The following ESR1 variants were observed in gnomAD, a reference collection of about 807,000 sequenced individuals.
ESR1 encodes the protein estrogen receptor 1.
Under a neutral mutation model 52.7 loss-of-function variants are expected in ESR1, and 12 were observed. The ratio of observed to expected loss-of-function variants is 0.23; its 90% CI spans 0.15 to 0.37. The LOEUF (loss-of-function observed/expected upper bound fraction) is 0.37, where lower values mean the gene tolerates loss of function less well. Among genes scored for constraint, ESR1 ranks in the 10% least tolerant of loss-of-function variants. The pLI, the probability that ESR1 is intolerant of heterozygous loss-of-function variation, is 1.00. For synonymous variants in ESR1, 305 were observed against 316.8 expected (o/e 0.96, Z 0.39); for missense variants, 584 against 779.7 (o/e 0.75, Z 2.99).
intron 4 of ESR1, among the ~76,000 whole-genome samples, chr6:151,962,603 A>G (rs532555084): frequency 2.6e-5 from 4 of 152,200 alleles, no homozygotes; most frequent in Admixed American, 6.5e-5. Flanking sequence ...ACCAAACCAA[A>G]CCAACCAAAC....
At chr6:152,064,119 G>A (rs575788924) in intron 6 of ESR1, among the ~76,000 whole-genome samples, 44 of 152,192 alleles carry the variant, frequency 2.9e-4, no homozygotes, top group Non-Finnish European at 5.4e-4. Context: ...TAGGACACAC[G>A]TTGTTTGTTT....
chr6:151,683,751 T>G (rs113453601), intron 1 of ESR1, among the ~76,000 whole-genome samples: 1 of 151,840 alleles, frequency 6.6e-6, no homozygotes, highest in African/African-American at 2.4e-5. Context: ...CAGGCTAGAG[T>G]GCAGAGGTGC....
At chr6:151,807,000 G>C (rs1777983199), upstream of ESR1, among the ~76,000 whole-genome samples, 1 of 152,166 alleles carries the variant, frequency 6.6e-6, no homozygotes, top group Non-Finnish European at 1.5e-5. Context: ...GAGAATCTCA[G>C]AAGGTTGTGG....
rs547681213 is a variant in ESR1 at position 151,739,479 on chromosome 6, C to A, written c.-71+37474C>A. On this transcript the variant is annotated intron_variant, in intron 2 of 2. Transcript: ENST00000404742. Reference sequence around the variant, plus strand: ...TTCTTCTCATTGACACCAAGGGATTCCAAGTCCCATTCTGATTGTGTATTG... The same window carrying A: ...TTCTTCTCATTGACACCAAGGGATTACAAGTCCCATTCTGATTGTGTATTG... Among the ~76,000 whole-genome samples the A allele has an allele frequency of 1.2e-4, 19 of 152,238 alleles. No individual in the cohort carries two copies. The South Asian group carries it at 3.5e-3, about 28-fold the overall frequency.
In ESR1 at chr6:151,899,422, G is replaced by A. The variant is rs1413525158; in HGVS notation, c.760+18651G>A. Among the ~76,000 whole-genome samples, 608 of 115,488 alleles carry A rather than the reference G, an allele frequency of 5.3e-3. 1 individual carries two copies. The highest frequency in any genetic ancestry group is 0.018 in the Middle Eastern group (3 of 164). 75.8% of individuals were successfully genotyped at this position (115,488 alleles called of 152,430 possible). A position where few individuals can be genotyped will look rare whatever the true frequency, so the allele number is the denominator to read the frequency against. ...GGGCTCCTCACTTCCCAGTAGGGGCGGCTGGGCAGAGGCGCCCCTCACCTC... is the reference window on the plus strand; with the variant it reads ...GGGCTCCTCACTTCCCAGTAGGGGCAGCTGGGCAGAGGCGCCCCTCACCTC... On this transcript the variant is annotated intron_variant, in intron 3 of 7. Coordinates refer to ENST00000206249, the MANE Select transcript of ESR1 (RefSeq NM_000125.4).
intron 3 of ESR1, among the ~76,000 whole-genome samples, chr6:151,909,401 T>C (rs1797926778): frequency 6.6e-6 from 1 of 152,140 alleles, no homozygotes; most frequent in South Asian, 2.1e-4. Flanking sequence ...TAGAGCACCT[T>C]AGGCCACAGG....
chr6:151,953,076 G>C (rs900720452), intron 4 of ESR1, among the ~76,000 whole-genome samples: 32 of 152,108 alleles, frequency 2.1e-4, no homozygotes, highest in African/African-American at 7.2e-4. Flanking sequence ...CTATAGTATA[G>C]CTGCGTTCTT....
chr6:152,077,640 A>G (rs571268233), intron 6 of ESR1, among the ~76,000 whole-genome samples: 1 of 152,352 alleles, frequency 6.6e-6, no homozygotes, highest in Non-Finnish European at 1.5e-5. Flanking sequence ...AGAGCTGCCC[A>G]AGACTATGGG....
At chr6:151,985,537 A>C (rs2040401951) in intron 4 of ESR1, among the ~76,000 whole-genome samples, 2 of 123,276 alleles carry the variant, frequency 1.6e-5, no homozygotes, top group Non-Finnish European at 3.2e-5. Flanking sequence ...AAAAAAACAC[A>C]AACAAAAAAA....
chr6:151,842,549 T>G, intron 1 of ESR1, 48 bp from the exon 2 acceptor site: 6 of 1,497,882 alleles, frequency 4.0e-6, no homozygotes, highest in Non-Finnish European at 5.5e-6. Flanking sequence ...AGAGAGTGCA[T>G]GTTTTGCTTT....
At chr6:152,047,164 C>A (rs934202451) in intron 5 of ESR1, among the ~76,000 whole-genome samples, 18 of 152,014 alleles carry the variant, frequency 1.2e-4, no homozygotes, top group African/African-American at 4.1e-4. Context: ...GTAGAACATA[C>A]TACAGTTGGA....
chr6:151,679,040 T>G (rs529518226), intron 1 of ESR1, among the ~76,000 whole-genome samples: 1 of 152,348 alleles, frequency 6.6e-6, no homozygotes, highest in East Asian at 1.9e-4. Context: ...GGTCCCATGC[T>G]ATCTGACCCT....
At chr6:151,958,549 G>C (rs944838348) in intron 4 of ESR1, among the ~76,000 whole-genome samples, 1 of 152,194 alleles carries the variant, frequency 6.6e-6, no homozygotes, top group East Asian at 1.9e-4. Context: ...GTGGCAGTTG[G>C]TCATCATGAA....
intron 5 of ESR1, among the ~76,000 whole-genome samples, chr6:152,037,620 T>A (rs373797057): frequency 3.3e-5 from 5 of 152,198 alleles, no homozygotes; most frequent in African/African-American, 9.7e-5. Context: ...TAAGTGGTGA[T>A]AATTTGGTAA....
At chr6:152,026,728 C>T (rs1457803687) in intron 5 of ESR1, among the ~76,000 whole-genome samples, 2 of 152,164 alleles carry the variant, frequency 1.3e-5, no homozygotes, top group East Asian at 3.9e-4. Flanking sequence ...ACTTAGTCAA[C>T]TCTTCCTTTA....
At chr6:151,823,812 T>A (rs1183844209) in intron 1 of ESR1, among the ~76,000 whole-genome samples, 4 of 152,372 alleles carry the variant, frequency 2.6e-5, no homozygotes, top group Non-Finnish European at 4.4e-5. Flanking sequence ...CATCCTTTTT[T>A]ATGGCTGCAT....
intron 2 of ESR1, among the ~76,000 whole-genome samples, chr6:151,862,144 T>C (rs570492128): frequency 9.9e-5 from 15 of 152,274 alleles, no homozygotes; most frequent in African/African-American, 3.6e-4. Context: ...TAATCCTCCA[T>C]AAAATTTGAA....
chr6:151,733,970 C>T (rs1477120485), intron 2 of ESR1, among the ~76,000 whole-genome samples: 1 of 152,168 alleles, frequency 6.6e-6, no homozygotes, highest in African/African-American at 2.4e-5. Flanking sequence ...GACATATTCA[C>T]TTGGGATAAT....
At chr6:151,878,545 T>C (rs1792245121) in intron 2 of ESR1, among the ~76,000 whole-genome samples, 1 of 152,206 alleles carries the variant, frequency 6.6e-6, no homozygotes, top group Admixed American at 6.5e-5. Flanking sequence ...CCTCTTCTAA[T>C]TGGGCCTGAC....
Sources: gnomAD v4.1 joint callset for allele counts (sites outside exome capture counted in the v4.1 genomes callset) on GRCh38, gnomAD v4.1.1 for gene constraint, MANE v1.5 for transcripts, NCBI Gene and HGNC (gene_info 2026-07-23, HGNC 2026-07-21) for gene names.